Variants in RBFOX3 observed in about 807,000 individuals in gnomAD.
The protein encoded by RBFOX3 is RNA binding fox-1 homolog 3.
Under a neutral mutation model 48.7 loss-of-function variants are expected in RBFOX3, and 17 were observed. The observed-to-expected ratio is 0.35, with a 90% CI of 0.24 to 0.52. RBFOX3 has a LOEUF of 0.52. RBFOX3 is among the 20% of genes least tolerant of loss of function. The pLI is 0.94. For missense variants in RBFOX3, 382 were observed against 497.5 expected (o/e 0.77, Z 2.21); for synonymous variants, 212 against 209.5 (o/e 1.01, Z -0.10).
chr17:79,144,426 G>A (rs2042598108), intron 4 of RBFOX3, among the ~76,000 whole-genome samples: 1 of 152,220 alleles, frequency 6.6e-6, no homozygotes, highest in South Asian at 2.1e-4. Flanking sequence ...CCCTCCCCAA[G>A]CCTCCTAGCT....
chr17:79,139,846 G>A (rs573156037), intron 4 of RBFOX3, among the ~76,000 whole-genome samples: 8 of 152,350 alleles, frequency 5.3e-5, no homozygotes, highest in South Asian at 2.1e-4. Context: ...GTGTGTGCCC[G>A]GGGAGGACGT....
chr17:79,469,861 G>A (rs2076839665), intron 2 of RBFOX3, among the ~76,000 whole-genome samples: 1 of 152,180 alleles, frequency 6.6e-6, no homozygotes, highest in Non-Finnish European at 1.5e-5. Context: ...AGGGTGCACA[G>A]GGGAGAACGT....
chr17:79,579,556 C>T (rs984896666), intron 1 of RBFOX3, among the ~76,000 whole-genome samples: 3 of 151,998 alleles, frequency 2.0e-5, no homozygotes, highest in Non-Finnish European at 4.4e-5. Flanking sequence ...GCATCCAGCA[C>T]GCGCGAGTGA....
chr17:79,342,663 T>G (rs2082287114), intron 2 of RBFOX3, among the ~76,000 whole-genome samples: 1 of 152,136 alleles, frequency 6.6e-6, no homozygotes, highest in Non-Finnish European at 1.5e-5. Flanking sequence ...CTGGAGAGGT[T>G]GATGGGGCTT....
At chr17:79,409,684 A>G (rs1235895660) in intron 2 of RBFOX3, among the ~76,000 whole-genome samples, 1 of 152,250 alleles carries the variant, frequency 6.6e-6, no homozygotes, top group African/African-American at 2.4e-5. Flanking sequence ...ACCCCAGAGC[A>G]GGTGGGCCTG....
intron 4 of RBFOX3, among the ~76,000 whole-genome samples, chr17:79,188,136 G>A (rs2053790462): frequency 6.6e-6 from 1 of 152,192 alleles, no homozygotes; most frequent in Admixed American, 6.5e-5. Context: ...GCGAGGCCTC[G>A]CTGGAGGTGG....
intron 2 of RBFOX3, among the ~76,000 whole-genome samples, chr17:79,314,024 G>C (rs769732339): frequency 1.3e-5 from 2 of 152,220 alleles, no homozygotes; most frequent in Non-Finnish European, 2.9e-5. Flanking sequence ...GGTGGCCTCA[G>C]AGGGCAGCGA....
intron 1 of RBFOX3, among the ~76,000 whole-genome samples, chr17:79,557,990 A>G (rs2091906461): frequency 6.6e-6 from 1 of 152,202 alleles, no homozygotes; most frequent in East Asian, 1.9e-4. Context: ...CAGCTTGAAG[A>G]AAAATTACAA....
At chr17:79,343,904 A>G (rs998890736) in intron 2 of RBFOX3, among the ~76,000 whole-genome samples, 3 of 152,136 alleles carry the variant, frequency 2.0e-5, no homozygotes, top group Non-Finnish European at 4.4e-5. Context: ...TCTTACATGA[A>G]TCTCCCTGCC....
At chr17:79,387,974 A>G (rs902363982) in intron 2 of RBFOX3, among the ~76,000 whole-genome samples, 2 of 150,486 alleles carry the variant, frequency 1.3e-5, no homozygotes, top group South Asian at 2.2e-4. Flanking sequence ...GTGAACGTGT[A>G]CCTGTGTGTG....
At chr17:79,125,325 C>T (rs1034314503) in intron 4 of RBFOX3, among the ~76,000 whole-genome samples, 38 of 152,200 alleles carry the variant, frequency 2.5e-4, no homozygotes, top group Non-Finnish European at 2.9e-5. Flanking sequence ...CTTTGGGCCT[C>T]AGCAACTTAG....
rs1337430850 is a variant in RBFOX3, at chr17:79,418,239, A to C, written c.-175+64215T>G. 6.6e-6 allele frequency among the ~76,000 whole-genome samples: 1 copy of C among 152,222 alleles called. No individual in the cohort carries two copies. Among genetic ancestry groups the C allele is most frequent in the East Asian group, 1.9e-4 (1 of 5,204 alleles). ...ATGTTATGCATATTTTACCACAACG[A>C]CAAAAAGTTTTTTCCAATCGCAGGG... On this transcript the variant is annotated intron_variant, in intron 2 of 14. Transcript: ENST00000693108. The surrounding 1 kb of genome is among the most constrained non-coding windows in gnomAD (Gnocchi z 5.0).
At chr17:79,274,084 C>T (rs932432209) in intron 3 of RBFOX3, among the ~76,000 whole-genome samples, 3 of 152,200 alleles carry the variant, frequency 2.0e-5, no homozygotes, top group African/African-American at 7.2e-5. Flanking sequence ...CCCATGCATA[C>T]AGCTGGCTGA....
rs1359758825 is a variant in RBFOX3 at position 79,364,046 on chromosome 17, G to C, written c.-174-56222C>G. The stretch of plus-strand genomic sequence containing the variant: ...TCAGCTCAGATGCCAGGTCCTCAGA[G>C]AATCCAGCCCTACAGGAAACAGCCA... On this transcript the variant is annotated intron_variant, in intron 2 of 14. Transcript: ENST00000693108. The surrounding 1 kb of genome is among the most constrained non-coding windows in gnomAD (Gnocchi z 5.1). Among the ~76,000 whole-genome samples, 3 of 152,142 alleles carry C rather than the reference G, an allele frequency of 2.0e-5. No individual in the cohort carries two copies. Among genetic ancestry groups the C allele is most frequent in the Non-Finnish European group, 4.4e-5 (3 of 68,038 alleles).
chr17:79,278,595 C>T (rs1457264528), intron 3 of RBFOX3, among the ~76,000 whole-genome samples: 7 of 152,360 alleles, frequency 4.6e-5, no homozygotes, highest in South Asian at 4.1e-4. Context: ...CCTGTGGTGC[C>T]GGCCGGGCCT....
At chr17:79,458,776 G>A (rs782103529) in intron 2 of RBFOX3, among the ~76,000 whole-genome samples, 7 of 152,056 alleles carry the variant, frequency 4.6e-5, no homozygotes, top group Non-Finnish European at 8.8e-5. Flanking sequence ...AGAGAATAAG[G>A]AGCGAGATGT....
chr17:79,619,336 T>G, the RBFOX3 span, among the ~76,000 whole-genome samples: 1 of 152,146 alleles, frequency 6.6e-6, no homozygotes, highest in African/African-American at 2.4e-5. Context: ...GGCCAGGTGT[T>G]TGAAATCAAG....
intron 5 of RBFOX3, 52 bp downstream of exon 5, chr17:79,115,442 G>A: frequency 1.8e-5 from 21 of 1,177,550 alleles, no homozygotes; most frequent in Non-Finnish European, 2.2e-5. Context: ...TTCTGGGTGG[G>A]TGCTCCTCCC....
At position 79,421,286 on chromosome 17, in the gene RBFOX3, C is replaced by T. The variant is rs782402467; in HGVS notation, c.-175+61168G>A. Among the ~76,000 whole-genome samples the T allele has an allele frequency of 1.8e-4, 27 of 152,310 alleles. No individual in the cohort carries two copies. Among genetic ancestry groups the T allele is most frequent in the Admixed American group, 3.9e-4 (6 of 15,310 alleles). On this transcript the variant is annotated intron_variant, in intron 2 of 14. Coordinates refer to ENST00000693108, the MANE Select transcript of RBFOX3 (RefSeq NM_001350451.2). The surrounding 1 kb of genome is among the most constrained non-coding windows in gnomAD (Gnocchi z 4.5). ...GCGTGAGAACCATGACTGCTGGGCT[C>T]CGAGGTCCTCTAGCAAACAACCGGG...
Sources: gnomAD v4.1 joint callset for allele counts (sites outside exome capture counted in the v4.1 genomes callset) on GRCh38, gnomAD v4.1.1 for gene constraint, Gnocchi (gnomAD v3.1) non-coding constraint, MANE v1.5 for transcripts, NCBI Gene and HGNC (gene_info 2026-07-23, HGNC 2026-07-21) for gene names.